Variants in CCSER1 observed in about 807,000 individuals in gnomAD.
The protein encoded by CCSER1 is serine-rich coiled-coil domain-containing protein 1.
In CCSER1, 41 loss-of-function variants were observed where a neutral mutation model predicts 82.0. The ratio of observed to expected loss-of-function variants is 0.50; its 90% CI spans 0.39 to 0.65. The LOEUF is 0.65. CCSER1 is among the 30% of genes least tolerant of loss of function. The pLI, the probability that CCSER1 is intolerant of heterozygous loss-of-function variation, is 0.00. For missense variants in CCSER1, 1,119 were observed against 1,064.2 expected, an observed-to-expected ratio of 1.05 and a Z score of -0.72; for synonymous variants, 414 against 383.9, an observed-to-expected ratio of 1.08 and a Z score of -0.92.
chr4:91,045,561 G>T (rs1742378546), intron 9 of CCSER1, among the ~76,000 whole-genome samples: 1 of 152,032 alleles, frequency 6.6e-6, no homozygotes. Flanking sequence ...AAAAAAATCT[G>T]CATGACATAA....
At chr4:90,193,790 A>G (rs536597339) in intron 1 of CCSER1, among the ~76,000 whole-genome samples, 7 of 152,206 alleles carry the variant, frequency 4.6e-5, no homozygotes, top group Admixed American at 6.6e-5. Context: ...ATGTTAAAAC[A>G]TAGATGAAGA....
intron 9 of CCSER1, among the ~76,000 whole-genome samples, chr4:91,039,840 T>C (rs776329309): frequency 6.6e-6 from 1 of 152,098 alleles, no homozygotes; most frequent in Non-Finnish European, 1.5e-5. Flanking sequence ...TAAGGACAGT[T>C]ATTAAAGGTG....
At chr4:91,028,840 A>G (rs978384583) in intron 9 of CCSER1, among the ~76,000 whole-genome samples, 3 of 152,068 alleles carry the variant, frequency 2.0e-5, no homozygotes, top group African/African-American at 4.8e-5. Context: ...ATGCTTTTGC[A>G]TCCACATTAC....
At chr4:90,567,307 A>ATTTT (rs34947960) in intron 5 of CCSER1, among the ~76,000 whole-genome samples, 2,038 of 138,680 alleles carry the variant, frequency 0.015, 57 homozygotes, top group African/African-American at 0.047. Context: ...TTGTCTCTGG[A>ATTTT]TTTTTTTTTT....
At chr4:90,145,656 C>T (rs1012942324) in intron 1 of CCSER1, among the ~76,000 whole-genome samples, 37 of 152,084 alleles carry the variant, frequency 2.4e-4, no homozygotes, top group Admixed American at 1.7e-3. Flanking sequence ...AGATAGGTTA[C>T]AGAGTTTTCA....
At chr4:90,640,523 A>G (rs1402715010) in intron 6 of CCSER1, among the ~76,000 whole-genome samples, 2 of 152,178 alleles carry the variant, frequency 1.3e-5, no homozygotes, top group East Asian at 1.9e-4. Context: ...ACTGCAGAAT[A>G]AATCTAGCAT....
intron 10 of CCSER1, among the ~76,000 whole-genome samples, chr4:91,499,277 T>G (rs923299179): frequency 6.6e-6 from 1 of 152,096 alleles, no homozygotes; most frequent in African/African-American, 2.4e-5. Context: ...CTATGTATTT[T>G]GAAGTTTCCA....
At chr4:90,155,972 C>A (rs554347150) in intron 1 of CCSER1, among the ~76,000 whole-genome samples, 1 of 152,074 alleles carries the variant, frequency 6.6e-6, no homozygotes, top group East Asian at 1.9e-4. Context: ...GTTAGGGTGT[C>A]AATTTTGGAT....
In CCSER1 at chr4:90,999,805, G is replaced by T. The variant is rs575041652; in HGVS notation, c.2172+76358G>T. ...TCTTATTTGTTTTTGTTTTTGTTTT[G>T]TTTTGTTTTGTTTTTTGAGAACCTA... On this transcript the variant is annotated intron_variant, in intron 9 of 10. Coordinates refer to ENST00000509176, the MANE Select transcript of CCSER1 (RefSeq NM_001145065.2). Among the ~76,000 whole-genome samples the T allele has an allele frequency of 2.0e-3, 289 of 144,564 alleles. 1 individual carries two copies. Among genetic ancestry groups the T allele is most frequent in the South Asian group, 0.013 (58 of 4,520 alleles). 94.8% of individuals were successfully genotyped at this position (144,564 alleles called of 152,430 possible). A position where few individuals can be genotyped will look rare whatever the true frequency, so the allele number is the denominator to read the frequency against.
intron 6 of CCSER1, among the ~76,000 whole-genome samples, chr4:90,661,622 T>A (rs1420478652): frequency 6.6e-6 from 1 of 152,216 alleles, no homozygotes; most frequent in Non-Finnish European, 1.5e-5. Flanking sequence ...CTGGGCTGAA[T>A]GATAGTTATT....
intron 8 of CCSER1, among the ~76,000 whole-genome samples, chr4:90,907,571 G>C (rs1725688524): frequency 6.6e-6 from 1 of 151,836 alleles, no homozygotes; most frequent in Admixed American, 6.6e-5. Context: ...TAAAATTCAG[G>C]CAATAGTGAA....
chr4:90,705,751 A>T (rs1451007882), intron 6 of CCSER1, among the ~76,000 whole-genome samples: 1 of 152,196 alleles, frequency 6.6e-6, no homozygotes, highest in East Asian at 1.9e-4. Context: ...GCGAGGCTCC[A>T]TGGTCGTGGG....
chr4:91,454,060 A>G lies in CCSER1; in HGVS notation c.2218-144512A>G, dbSNP rs189823785. On this transcript the variant is annotated intron_variant, in intron 10 of 10. Coordinates refer to ENST00000509176, the MANE Select transcript of CCSER1 (RefSeq NM_001145065.2). The stretch of plus-strand genomic sequence containing the variant: ...TCTATGAGCTCCAGAACTTTCATAT[A>G]CATGGTTTAACGTTCAGAGGTAATC... Among the ~76,000 whole-genome samples the G allele has an allele frequency of 5.9e-5, 9 of 152,230 alleles. No individual in the cohort carries two copies. In the East Asian group the frequency reaches 1.7e-3, roughly 29 times the overall value.
At chr4:91,129,202 G>T (rs919354443) in intron 10 of CCSER1, among the ~76,000 whole-genome samples, 2 of 152,016 alleles carry the variant, frequency 1.3e-5, no homozygotes, top group African/African-American at 4.8e-5. Flanking sequence ...TTCTGTCTGT[G>T]TTAGTTTGCT....
chr4:90,750,417 C>T (rs1748406545), intron 7 of CCSER1, among the ~76,000 whole-genome samples: 1 of 152,060 alleles, frequency 6.6e-6, no homozygotes, highest in South Asian at 2.1e-4. Context: ...CCCATCTTTA[C>T]TCCCACTTTG....
intron 1 of CCSER1, among the ~76,000 whole-genome samples, chr4:90,276,336 T>C (rs11931112): frequency 7.7e-5 from 11 of 142,642 alleles, no homozygotes; most frequent in African/African-American, 2.5e-4. Context: ...TTTCTTTCTT[T>C]CTTCTTTCTT....
At chr4:90,868,418 T>C (rs1164495379) in intron 8 of CCSER1, among the ~76,000 whole-genome samples, 2 of 152,032 alleles carry the variant, frequency 1.3e-5, no homozygotes, top group African/African-American at 4.8e-5. Flanking sequence ...TTTTGTTAAT[T>C]TGTAGCTCTC....
At chr4:90,210,508 A>G (rs953536881) in intron 1 of CCSER1, among the ~76,000 whole-genome samples, 1 of 151,604 alleles carries the variant, frequency 6.6e-6, no homozygotes, top group Non-Finnish European at 1.5e-5. Context: ...AAGTGGTGAA[A>G]TCACAACTGA....
intron 10 of CCSER1, among the ~76,000 whole-genome samples, chr4:91,566,264 T>G (rs1307778579): frequency 6.6e-6 from 1 of 152,106 alleles, no homozygotes; most frequent in Non-Finnish European, 1.5e-5. Flanking sequence ...TGGATTGGCT[T>G]TTTGATGTGC....
Sources: allele counts gnomAD v4.1 joint callset (sites outside exome capture counted in the v4.1 genomes callset), GRCh38; gene constraint gnomAD v4.1.1; transcripts MANE v1.5; gene names NCBI Gene and HGNC (gene_info 2026-07-23, HGNC 2026-07-21).